Variants in C1QTNF3 observed in about 807,000 individuals in gnomAD.
C1QTNF3 encodes complement C1q tumor necrosis factor-related protein 3.
In C1QTNF3, 26 loss-of-function variants were observed where a neutral mutation model predicts 32.6. The observed-to-expected ratio is 0.80, with a 90% CI of 0.58 to 1.11. The LOEUF (loss-of-function observed/expected upper bound fraction) is 1.11, where lower values mean the gene tolerates loss of function less well. Among genes scored for constraint, C1QTNF3 ranks in the 50% least tolerant of loss-of-function variants. C1QTNF3 has a pLI of 0.00. For synonymous variants in C1QTNF3, 155 were observed against 146.0 expected, an observed-to-expected ratio of 1.06 and a Z score of -0.44; for missense variants, 362 against 398.2, an observed-to-expected ratio of 0.91 and a Z score of 0.77.
chr5:34,022,861 T>C (rs1422859872), intron 5 of C1QTNF3, among the ~76,000 whole-genome samples: 1 of 152,094 alleles, frequency 6.6e-6, no homozygotes, highest in Non-Finnish European at 1.5e-5. Flanking sequence ...GTTTTTTGTT[T>C]TGTTTTGTTT....
At chr5:34,203,077 C>A in the C1QTNF3 span, among the ~76,000 whole-genome samples, 1 of 152,150 alleles carries the variant, frequency 6.6e-6, no homozygotes, top group Non-Finnish European at 1.5e-5. Context: ...GAGAAATACT[C>A]AAAGGTGTCC....
intron 4 of C1QTNF3, among the ~76,000 whole-genome samples, chr5:34,027,130 T>C (rs1754482002): frequency 6.6e-6 from 1 of 152,222 alleles, no homozygotes; most frequent in Non-Finnish European, 1.5e-5. Flanking sequence ...TTGTATAATA[T>C]TTTCATAACT....
chr5:34,158,392 C>G, the C1QTNF3 span: 3 of 152,124 alleles, frequency 2.0e-5, no homozygotes, highest in African/African-American at 7.2e-5. Context: ...CAGGTCTGAG[C>G]CATCGTGCCC....
chr5:34,187,917 G>A, the C1QTNF3 span, among the ~76,000 whole-genome samples: 1 of 152,306 alleles, frequency 6.6e-6, no homozygotes, highest in African/African-American at 2.4e-5. Context: ...TCCAGGGCAT[G>A]TTAGAGACCC....
the C1QTNF3 span, among the ~76,000 whole-genome samples, chr5:34,161,947 GA>G: frequency 1.3e-5 from 2 of 151,940 alleles, no homozygotes; most frequent in Non-Finnish European, 2.9e-5. Flanking sequence ...TTTTTTTAAC[GA>G]TTTTTTTTCT....
At chr5:34,055,980 G>C in the C1QTNF3 span, among the ~76,000 whole-genome samples, 2 of 152,156 alleles carry the variant, frequency 1.3e-5, no homozygotes, top group Non-Finnish European at 2.9e-5. Context: ...GCAGTTCCTG[G>C]TATCAATCTA....
chr5:34,184,905 T>C, the C1QTNF3 span, among the ~76,000 whole-genome samples: 1 of 152,398 alleles, frequency 6.6e-6, no homozygotes, highest in African/African-American at 2.4e-5. Context: ...CTACAGCACC[T>C]AAAAAGATTA....
At chr5:34,195,438 T>C in the C1QTNF3 span, among the ~76,000 whole-genome samples, 2 of 143,548 alleles carry the variant, frequency 1.4e-5, no homozygotes, top group Non-Finnish European at 3.1e-5. Context: ...CTGTTAAATA[T>C]TTAAAAAGCT....
At chr5:34,021,487 G>A (rs569982788) in intron 5 of C1QTNF3, among the ~76,000 whole-genome samples, 34 of 152,324 alleles carry the variant, frequency 2.2e-4, no homozygotes, top group Non-Finnish European at 4.3e-4. Context: ...CGTGATTAGG[G>A]CCTAACAAGG....
the C1QTNF3 span, among the ~76,000 whole-genome samples, chr5:34,126,018 T>A: frequency 3.9e-5 from 6 of 152,174 alleles, no homozygotes; most frequent in Non-Finnish European, 7.4e-5. Flanking sequence ...TCACACAGGA[T>A]CAAGAACATC....
chr5:34,073,256 G>A, the C1QTNF3 span, among the ~76,000 whole-genome samples: 2 of 152,002 alleles, frequency 1.3e-5, no homozygotes, highest in Non-Finnish European at 2.9e-5. Context: ...GAACCTGGGA[G>A]GTGGAGCTTG....
the C1QTNF3 span, among the ~76,000 whole-genome samples, chr5:34,177,487 T>TA: frequency 9.6e-3 from 1,389 of 144,104 alleles, 22 homozygotes; most frequent in African/African-American, 0.034. Flanking sequence ...CAACTTTTTT[T>TA]TTTTTTTTTT....
At position 34,019,818 on chromosome 5, in the gene C1QTNF3, G is replaced by A. The variant is rs1445843071; in HGVS notation, c.*765C>T. ...ATTTATTAATAGTGTATGTTCTTCA[G>A]ATATAAAATCCCTCTGGTCAACATG... is the stretch of plus-strand genomic sequence containing the variant. On this transcript the variant is annotated 3_prime_UTR_variant, in exon 6 of 6. Coordinates refer to ENST00000382065, the MANE Select transcript of C1QTNF3 (RefSeq NM_181435.6). 6.6e-6 allele frequency: 1 copy of A among 152,184 alleles called. No homozygotes were observed. The highest frequency in any genetic ancestry group is 1.5e-5 in the Non-Finnish European group (1 of 68,038). 9.4% of individuals were successfully genotyped at this position (152,184 alleles called of 1,614,324 possible).
chr5:34,057,710 G>T, the C1QTNF3 span, among the ~76,000 whole-genome samples: 1 of 152,160 alleles, frequency 6.6e-6, no homozygotes, highest in African/African-American at 2.4e-5. Context: ...TCTGAATCAA[G>T]GAAATCTGGT....
chr5:34,239,231 C>T, the C1QTNF3 span: 1 of 152,080 alleles, frequency 6.6e-6, no homozygotes. Flanking sequence ...AGTATCTACA[C>T]AATCAAGTCT....
At chr5:34,062,954 A>G in the C1QTNF3 span, among the ~76,000 whole-genome samples, 1 of 152,152 alleles carries the variant, frequency 6.6e-6, no homozygotes, top group Non-Finnish European at 1.5e-5. Flanking sequence ...TTCTTCTGTC[A>G]GCAAAGCAGT....
At chr5:34,034,506 T>G (rs1754690731) in intron 2 of C1QTNF3, among the ~76,000 whole-genome samples, 1 of 152,248 alleles carries the variant, frequency 6.6e-6, no homozygotes, top group Non-Finnish European at 1.5e-5. Flanking sequence ...TTTCTACACC[T>G]CTTCTTTATT....
At chr5:34,230,874 C>T in the C1QTNF3 span, among the ~76,000 whole-genome samples, 9 of 151,992 alleles carry the variant, frequency 5.9e-5, no homozygotes, top group Non-Finnish European at 7.4e-5. Flanking sequence ...TGAACATATT[C>T]TTGTTTTTAA....
the C1QTNF3 span, chr5:34,167,402 C>T: frequency 6.6e-6 from 1 of 152,208 alleles, no homozygotes; most frequent in African/African-American, 2.4e-5. Context: ...TATCTTACAT[C>T]TCCCAGAATG....
Sources: gnomAD v4.1 joint callset for allele counts (sites outside exome capture counted in the v4.1 genomes callset) on GRCh38, gnomAD v4.1.1 for gene constraint, MANE v1.5 for transcripts, NCBI Gene and HGNC (gene_info 2026-07-23, HGNC 2026-07-21) for gene names.